Variants in FBXO41 observed in about 807,000 individuals in gnomAD.
The protein encoded by FBXO41 is F-box only protein 41.
A neutral mutation model predicts 81.6 loss-of-function variants in FBXO41; 33 were observed. The observed-to-expected ratio is 0.40, with a 90% CI of 0.31 to 0.54. The LOEUF is 0.54. Among genes scored for constraint, FBXO41 ranks in the 20% least tolerant of loss-of-function variants. The pLI is 0.39. For synonymous variants in FBXO41, 576 were observed against 552.7 expected (o/e 1.04, Z -0.59); for missense variants, 1,107 against 1,236.0 (o/e 0.90, Z 1.56).
At chr2:73,275,195 T>C (rs999816072) in intron 1 of FBXO41, among the ~76,000 whole-genome samples, 5 of 150,598 alleles carry the variant, frequency 3.3e-5, no homozygotes, top group Admixed American at 2.0e-4. Flanking sequence ...GGCCCTTTTT[T>C]TTAAGACAGA....
At chr2:73,271,178 T>C (rs1188068343) in intron 1 of FBXO41, 9 of 335,480 alleles carry the variant, frequency 2.7e-5, no homozygotes, top group South Asian at 1.9e-4. Context: ...GCCGCATAGT[T>C]GTGTTGCCTT....
intron 2 of FBXO41, among the ~76,000 whole-genome samples, chr2:73,267,169 C>T (rs1688305331): frequency 1.3e-5 from 2 of 152,204 alleles, no homozygotes. Flanking sequence ...AGCCATGTCA[C>T]ATATCCCCAC....
rs773561880 is a variant in FBXO41, at chr2:73,265,954, C to A, written c.1144G>T (p.Val382Leu). ...TATGTGTTAGGCACGGCCGGGCCCA[C>A]GTGGTGTTCTCGCTGTGGGCCCCCA... The part of the protein sequence containing the change: ...RGPGRMREHH[V>L]GPAVPNTYAV... The change falls in exon 4 of 13, where the codon GTG (valine) becomes TTG (leucine). Residue 382 changes from valine (V) to leucine (L), a missense_variant. By Grantham distance (32) the Val-to-Leu change is conservative (BLOSUM62 1). Around this residue, in one of 2 missense-constraint regions of FBXO41, gnomAD observed 771 missense variants for 789.2 expected, o/e 0.98. Transcript: ENST00000520530. 1 of 1,575,960 alleles carries A rather than the reference C, an allele frequency of 6.3e-7. No individual in the cohort carries two copies. Among genetic ancestry groups the A allele is most frequent in the Non-Finnish European group, 8.6e-7 (1 of 1,160,162 alleles).
At position 73,264,384 on chromosome 2, in the gene FBXO41, C is replaced by T. The variant is rs376429714; in HGVS notation, c.1700G>A (p.Arg567His). The change falls in exon 6 of 13, where the codon CGC (arginine) becomes CAC (histidine). Residue 567 changes from arginine (R) to histidine (H), a missense_variant. Arg to His is a conservative substitution (Grantham distance 29). Coordinates refer to ENST00000520530, the MANE Select transcript of FBXO41 (RefSeq NM_001371389.2). ...LFCIFTYLDT[R>H]TLLHAAEVCR... The stretch of plus-strand genomic sequence containing the variant: ...GACCTCGGCAGCATGCAGCAGTGTG[C>T]GCGTGTCCAGGTAGGTGAAGATGCA... 4.7e-5 allele frequency: 76 copies of T among 1,613,698 alleles called. No individual in the cohort carries two copies. The highest frequency in any genetic ancestry group is 7.7e-5 in the South Asian group (7 of 91,088).
Position 73,259,244 on chromosome 2 carries a change from A to G in FBXO41, c.2502T>C (p.Tyr834=). The G allele has an allele frequency of 5.0e-6, 8 of 1,614,050 alleles. No individual in the cohort carries two copies. The highest frequency in any genetic ancestry group is 6.8e-6 in the Non-Finnish European group (8 of 1,179,904). Reference sequence around the variant, plus strand: ...CCTCAGGGCTGCTGGGCTCTTTGAAATAATCCGCAATCCCAATCTGGACCA... The same window carrying G: ...CCTCAGGGCTGCTGGGCTCTTTGAAGTAATCCGCAATCCCAATCTGGACCA... ...SIVVQIGIAD[Y]FKEPSSPEAQ... is the part of the protein sequence containing the mutation. The change falls in exon 12 of 13, where the codon TAT becomes TAC. Residue 834 remains tyrosine (Y), a synonymous_variant. Coordinates refer to ENST00000520530, the MANE Select transcript of FBXO41 (RefSeq NM_001371389.2). The surrounding 1 kb of genome is among the most constrained non-coding windows in gnomAD (Gnocchi z 4.2).
At position 73,265,295 on chromosome 2, in the gene FBXO41, G is replaced by A. The variant is rs1390506657; in HGVS notation, c.1551C>T (p.Ser517=). 1 of 1,605,644 alleles carries A rather than the reference G, an allele frequency of 6.2e-7. No homozygotes were observed. The highest frequency in any genetic ancestry group is 1.3e-5 in the African/African-American group (1 of 74,866). The change falls in exon 5 of 13, where the codon AGC becomes AGT. Residue 517 remains serine (S), a synonymous_variant. Coordinates refer to ENST00000520530, the MANE Select transcript of FBXO41 (RefSeq NM_001371389.2). ...TCCGGGACCTACCTGAGAGCCGGCAGCTGCTCAATGGCCCAGCCATAGCAG... is the reference window on the plus strand; with the variant it reads ...TCCGGGACCTACCTGAGAGCCGGCAACTGCTCAATGGCCCAGCCATAGCAG... ...PGPAMAGPLS[S]CRLSARPEGG... is the part of the protein sequence containing the mutation.
chr2:73,269,069 G>T lies in FBXO41; in HGVS notation c.562C>A (p.Pro188Thr). ...ACATCAGCGGGTGAGGGGGACGCGG[G>T]CGAAGCGGAGGCAGGCCCGGGGCAA... ...GPCPGPASAS[P>T]ASPSPADVAY... is the part of the protein sequence containing the mutation. Residue 188 changes from proline to threonine, a missense_variant, in exon 2 of 13, where the codon CCC becomes ACC. Around this residue, in one of 2 missense-constraint regions of FBXO41, gnomAD observed 771 missense variants for 789.2 expected, o/e 0.98. Transcript: ENST00000520530. The surrounding 1 kb of genome is among the most constrained non-coding windows in gnomAD (Gnocchi z 7.0). 6.6e-7 allele frequency: 1 copy of T among 1,518,482 alleles called. No individual in the cohort carries two copies. The highest frequency in any genetic ancestry group is 8.8e-7 in the Non-Finnish European group (1 of 1,139,056). 94.1% of individuals were successfully genotyped at this position (1,518,482 alleles called of 1,614,324 possible). A position where few individuals can be genotyped will look rare whatever the true frequency, so the allele number is the denominator to read the frequency against.
chr2:73,258,554 G>A lies in FBXO41; in HGVS notation c.*428C>T, dbSNP rs1011563615. The A allele has an allele frequency of 4.1e-5, 7 of 172,528 alleles. No individual in the cohort carries two copies. The highest frequency in any genetic ancestry group is 1.7e-4 in the African/African-American group (7 of 42,288). The allele number at this position is 172,528 out of a possible 1,614,324, so 10.7% of individuals were successfully genotyped here. ...GAGCCCTCCTTGCCAAGTCTGAGCTGCCTTGTGGAGCCCCCATTGGCTTGG... is the reference window on the plus strand; with the variant it reads ...GAGCCCTCCTTGCCAAGTCTGAGCTACCTTGTGGAGCCCCCATTGGCTTGG... On this transcript the variant is annotated 3_prime_UTR_variant, in exon 13 of 13. Coordinates refer to ENST00000520530, the MANE Select transcript of FBXO41 (RefSeq NM_001371389.2).
intron 1 of FBXO41, among the ~76,000 whole-genome samples, chr2:73,281,585 G>T (rs1688848356): frequency 6.6e-6 from 1 of 152,222 alleles, no homozygotes; most frequent in African/African-American, 2.4e-5. Context: ...GGATCCAGCT[G>T]CCACATAAGA....
In FBXO41 at chr2:73,263,944, C is replaced by T. The variant is rs763098902; in HGVS notation, c.1916G>A (p.Ser639Asn). The stretch of plus-strand genomic sequence containing the variant: ...CACCCATCGCAGGCCTCACCGGGTG[C>T]TCCGGGCATACTCCTCCTTGCTCTC... ...KKESKEEYAR[S>N]TRGCLEAGLE... Residue 639 changes from serine to asparagine, a missense_variant, in exon 7 of 13, where the codon AGC (serine) becomes AAC (asparagine). Ser to Asn is a conservative substitution (Grantham distance 46). This residue lies in a region of FBXO41 where 336 missense variants were observed against 446.7 expected (regional missense o/e 0.75). Coordinates refer to ENST00000520530, the MANE Select transcript of FBXO41 (RefSeq NM_001371389.2). 1.2e-6 allele frequency: 2 copies of T among 1,611,020 alleles called. No individual in the cohort carries two copies. The highest frequency in any genetic ancestry group is 1.3e-5 in the African/African-American group (1 of 74,870).
At chr2:73,272,077 G>A (rs1481693199) in intron 1 of FBXO41, 18 of 152,266 alleles carry the variant, frequency 1.2e-4, no homozygotes, top group Admixed American at 1.2e-3. Flanking sequence ...GGGGACATAA[G>A]CTGGCACTAC....
Position 73,269,541 on chromosome 2 carries a change from C to T in FBXO41, c.90G>A (p.Glu30=), listed in dbSNP as rs1197347368. Residue 30 remains glutamate (E), a synonymous_variant, in exon 2 of 13, where the codon GAG becomes GAA. Coordinates refer to ENST00000520530, the MANE Select transcript of FBXO41 (RefSeq NM_001371389.2). The surrounding 1 kb of genome is among the most constrained non-coding windows in gnomAD (Gnocchi z 7.0). ...AGAGCGTCTCGTAGGTGTGGCTGTA[C>T]TCCAGGTGCGCGCGCAGCGACGACA... ...RSLSSLRAHL[E]YSHTYETLYI... 38 of 1,367,612 alleles carry T rather than the reference C, an allele frequency of 2.8e-5. No homozygotes were observed. The highest frequency in any genetic ancestry group is 3.4e-5 in the Non-Finnish European group (36 of 1,050,692). The allele number at this position is 1,367,612 out of a possible 1,614,324, so 84.7% of individuals were successfully genotyped here. A position where few individuals can be genotyped will look rare whatever the true frequency, so the allele number is the denominator to read the frequency against.
At position 73,266,742 on chromosome 2, in the gene FBXO41, G is replaced by A; in HGVS notation, c.906-60C>T. 6.8e-7 allele frequency: 1 copy of A among 1,481,478 alleles called. No individual in the cohort carries two copies. Among genetic ancestry groups the A allele is most frequent in the Non-Finnish European group, 8.9e-7 (1 of 1,118,962 alleles). The allele number at this position is 1,481,478 out of a possible 1,614,324, so 91.8% of individuals were successfully genotyped here. A position where few individuals can be genotyped will look rare whatever the true frequency, so the allele number is the denominator to read the frequency against. On this transcript the variant is annotated intron_variant, in intron 2 of 12. Coordinates refer to ENST00000520530, the MANE Select transcript of FBXO41 (RefSeq NM_001371389.2). This position sits in a 1 kb window ranked among gnomAD's most constrained non-coding sequence, Gnocchi z 5.3. ...AGCCTGCCTGCCCACCCACCCTCTG[G>A]AGGAGAGCCTGGCCAGTGCGGGGAG... is the stretch of plus-strand genomic sequence containing the variant.
rs984874556 is a variant in FBXO41 at position 73,266,771 on chromosome 2, C to T, written c.906-89G>A. On this transcript the variant is annotated intron_variant, in intron 2 of 12. Coordinates refer to ENST00000520530, the MANE Select transcript of FBXO41 (RefSeq NM_001371389.2). The surrounding 1 kb of genome is among the most constrained non-coding windows in gnomAD (Gnocchi z 5.3). ...AGAGCCTGGCCAGTGCGGGGAGACA[C>T]TGGCACAGCTGCCTGCGGTGTCTGC... 4.9e-5 allele frequency: 70 copies of T among 1,439,676 alleles called. No homozygotes were observed. The African/African-American group carries it at 7.7e-4, about 16-fold the overall frequency. The allele number at this position is 1,439,676 out of a possible 1,614,324, so 89.2% of individuals were successfully genotyped here. A position where few individuals can be genotyped will look rare whatever the true frequency, so the allele number is the denominator to read the frequency against.
In FBXO41 at chr2:73,257,654, T is replaced by C. The variant is rs1687864147; in HGVS notation, c.*1328A>G. On this transcript the variant is annotated 3_prime_UTR_variant, in exon 13 of 13. Transcript: ENST00000520530. The surrounding 1 kb of genome is among the most constrained non-coding windows in gnomAD (Gnocchi z 4.6). ...GCAGGACCCCCGGCCTCTGAGCTAC[T>C]GTGGGAGTTCTGAGAGGAGGAACTG... 2 of 152,326 alleles carry C rather than the reference T, an allele frequency of 1.3e-5. No homozygotes were observed. 9.4% of individuals were successfully genotyped at this position (152,326 alleles called of 1,614,324 possible).
intron 6 of FBXO41, 109 bp from the exon 7 acceptor site, chr2:73,264,162 A>G: frequency 6.4e-7 from 1 of 1,562,848 alleles, no homozygotes; most frequent in South Asian, 1.2e-5. Flanking sequence ...CAGGGAAGCC[A>G]GGTTGGCATT....
rs772139447 is a variant in FBXO41, at chr2:73,269,451, A to AGCGGCGGCGGCGGCCGCGGCG, written c.159_179dup (p.Ala55_Ala61dup). On this transcript the variant is annotated inframe_insertion, in exon 2 of 13. Coordinates refer to ENST00000520530, the MANE Select transcript of FBXO41 (RefSeq NM_001371389.2). The surrounding 1 kb of genome is among the most constrained non-coding windows in gnomAD (Gnocchi z 7.0). ...CGGGAGCCAGCGGGAACCCCGAGGC[A>AGCGGCGGCGGCGGCCGCGGCG]GCGGCGGCGGCGGCCGCGGCGGCGG... is the stretch of plus-strand genomic sequence containing the variant. 1.5e-6 allele frequency: 2 copies of AGCGGCGGCGGCGGCCGCGGCG among 1,290,464 alleles called. No individual in the cohort carries two copies. Among genetic ancestry groups the AGCGGCGGCGGCGGCCGCGGCG allele is most frequent in the Admixed American group, 3.9e-5 (1 of 25,644 alleles). 79.9% of individuals were successfully genotyped at this position (1,290,464 alleles called of 1,614,324 possible).
At chr2:73,279,859 G>A (rs1214285197) in intron 1 of FBXO41, among the ~76,000 whole-genome samples, 4 of 152,048 alleles carry the variant, frequency 2.6e-5, no homozygotes, top group Admixed American at 2.6e-4. Flanking sequence ...ACTTCCGCAG[G>A]CCCGAGGCAC....
At position 73,259,034 on chromosome 2, in the gene FBXO41, C is replaced by A; in HGVS notation, c.2576G>T (p.Arg859Leu). 1 of 1,601,592 alleles carries A rather than the reference C, an allele frequency of 6.2e-7. No homozygotes were observed. The highest frequency in any genetic ancestry group is 2.3e-5 in the East Asian group (1 of 44,136). ...CAGAATCTTAGAGAAGCCGGGCCTC[C>A]GTCGCAGAGCCTGCGGACCGAACCC... ...DMVTKLQALR[R>L]RPGFSKILHI... Residue 859 changes from arginine (R) to leucine (L), a missense_variant, in exon 13 of 13, where the codon CGG (arginine) becomes CTG (leucine). This residue lies in a region of FBXO41 where 336 missense variants were observed against 446.7 expected (regional missense o/e 0.75). Transcript: ENST00000520530. This position sits in a 1 kb window ranked among gnomAD's most constrained non-coding sequence, Gnocchi z 4.2.
Sources: allele counts gnomAD v4.1 joint callset (sites outside exome capture counted in the v4.1 genomes callset), GRCh38; gene constraint gnomAD v4.1.1; regional missense constraint gnomAD v4.1.1; non-coding constraint Gnocchi (gnomAD v3.1); transcripts MANE v1.5; gene names NCBI Gene and HGNC (gene_info 2026-07-23, HGNC 2026-07-21).